The following SPECC1 variants were observed in gnomAD, a reference collection of about 807,000 sequenced individuals.
SPECC1 encodes the protein cytospin-B.
A neutral mutation model predicts 104.1 loss-of-function variants in SPECC1; 62 were observed. The observed-to-expected ratio is 0.60, with a 90% confidence interval of 0.49 to 0.74. The LOEUF (loss-of-function observed/expected upper bound fraction) is 0.74, where lower values mean the gene tolerates loss of function less well. Ranked by LOEUF, SPECC1 falls within the 30% of genes least tolerant of loss-of-function variation. SPECC1 has a pLI of 0.00. For synonymous variants in SPECC1, 513 were observed against 501.6 expected, an observed-to-expected ratio of 1.02 and a Z score of -0.30; for missense variants, 1,306 against 1,310.5, an observed-to-expected ratio of 1.00 and a Z score of 0.05.
At chr17:20,237,777 T>C (rs533397379) in intron 7 of SPECC1, 306 of 191,422 alleles carry the variant, frequency 1.6e-3, no homozygotes, top group Non-Finnish European at 2.9e-3. Flanking sequence ...AGCTTTACTC[T>C]TGTTGCCCAG....
intron 5 of SPECC1, among the ~76,000 whole-genome samples, chr17:20,228,773 A>C (rs145859357): frequency 6.6e-6 from 1 of 152,332 alleles, no homozygotes; most frequent in African/African-American, 2.4e-5. Context: ...ATTGGGAAAG[A>C]AATTTTTAAA....
At chr17:20,087,851 G>T (rs2047235672) in intron 1 of SPECC1, among the ~76,000 whole-genome samples, 1 of 152,142 alleles carries the variant, frequency 6.6e-6, no homozygotes, top group Non-Finnish European at 1.5e-5. Context: ...TAAACCAGGG[G>T]CTGTTTGGTG....
At chr17:20,051,663 C>CTGAT (rs1401516134) in intron 1 of SPECC1, among the ~76,000 whole-genome samples, 1 of 151,926 alleles carries the variant, frequency 6.6e-6, no homozygotes, top group Non-Finnish European at 1.5e-5. Flanking sequence ...GTTTTAGGTA[C>CTGAT]TGATATTCAG....
intron 12 of SPECC1, among the ~76,000 whole-genome samples, chr17:20,289,670 T>C (rs550493033): frequency 6.6e-6 from 1 of 152,348 alleles, no homozygotes; most frequent in Non-Finnish European, 1.5e-5. Context: ...TGGATGACAG[T>C]GCACACGGCT....
intron 3 of SPECC1, among the ~76,000 whole-genome samples, chr17:20,162,751 G>T (rs2033280966): frequency 6.6e-6 from 1 of 152,082 alleles, no homozygotes; most frequent in Non-Finnish European, 1.5e-5. Flanking sequence ...GATGTGGCTG[G>T]GTGCAGTGGC....
intron 3 of SPECC1, among the ~76,000 whole-genome samples, chr17:20,170,022 C>G (rs970127589): frequency 6.6e-6 from 1 of 152,246 alleles, no homozygotes; most frequent in African/African-American, 2.4e-5. Context: ...ATCCTGAAGA[C>G]TTTACCGTCA....
chr17:20,301,211 CTG>C (rs1279436246), intron 13 of SPECC1, among the ~76,000 whole-genome samples: 1 of 151,986 alleles, frequency 6.6e-6, no homozygotes, highest in African/African-American at 2.4e-5. Flanking sequence ...CCATATAAAA[CTG>C]AGCACACGGG....
chr17:20,116,053 CTATAA>C (rs1210428642), intron 3 of SPECC1, among the ~76,000 whole-genome samples: 13 of 151,846 alleles, frequency 8.6e-5, no homozygotes, highest in African/African-American at 1.9e-4. Context: ...TAGTTGTAGA[CTATAA>C]TATATCAATA....
At chr17:20,200,486 C>G (rs778490236) in intron 3 of SPECC1, among the ~76,000 whole-genome samples, 1 of 152,066 alleles carries the variant, frequency 6.6e-6, no homozygotes, top group Non-Finnish European at 1.5e-5. Context: ...TAAGTGATGA[C>G]GGGGTGGGAG....
At chr17:20,023,821 AC>A (rs1374849890) in intron 1 of SPECC1, among the ~76,000 whole-genome samples, 1 of 151,908 alleles carries the variant, frequency 6.6e-6, no homozygotes, top group African/African-American at 2.4e-5. Context: ...AAAAAAAAAA[AC>A]ATGGAAAGCA....
chr17:20,196,784 T>G (rs116623394), intron 3 of SPECC1, among the ~76,000 whole-genome samples: 1,884 of 152,334 alleles, frequency 0.012, 32 homozygotes, highest in African/African-American at 0.042. Context: ...GCAGGTAAAT[T>G]GAACAATTTT....
chr17:20,248,183 C>T (rs1005806160), intron 9 of SPECC1, among the ~76,000 whole-genome samples: 9 of 152,182 alleles, frequency 5.9e-5, no homozygotes, highest in Non-Finnish European at 1.0e-4. Flanking sequence ...CGAATGCCTT[C>T]CCAGCCATGT....
intron 4 of SPECC1, among the ~76,000 whole-genome samples, chr17:20,222,975 C>T (rs1215069977): frequency 1.3e-5 from 2 of 152,032 alleles, no homozygotes; most frequent in Admixed American, 6.6e-5. Flanking sequence ...AGGATCTTTT[C>T]ATTATCTTTG....
chr17:20,210,066 G>A (rs2037034334), intron 4 of SPECC1, among the ~76,000 whole-genome samples: 1 of 152,178 alleles, frequency 6.6e-6, no homozygotes, highest in African/African-American at 2.4e-5. Flanking sequence ...TTCTGCTTGT[G>A]TGGGTCCTAG....
rs1462561765 is a variant in SPECC1 at position 20,204,394 on chromosome 17, C to G, written c.345C>G (p.Val115=). The change falls in exon 4 of 15, where the codon GTC becomes GTG. Residue 115 remains valine, a synonymous_variant. Coordinates refer to ENST00000395527, the MANE Select transcript of SPECC1 (RefSeq NM_001243439.2). ...CCCCACGGGAATTTTCAGTAACTGT[C>G]TCAAGAGAGAGGTCTGTGCCACGTG... ...IPAPREFSVT[V]SRERSVPRGP... 1.1e-5 allele frequency: 17 copies of G among 1,613,984 alleles called. No homozygotes were observed. The highest frequency in any genetic ancestry group is 4.0e-5 in the African/African-American group (3 of 74,894).
chr17:20,236,672 T>G (rs2151499309), intron 7 of SPECC1, among the ~76,000 whole-genome samples: 2 of 151,790 alleles, frequency 1.3e-5, no homozygotes, highest in Non-Finnish European at 2.9e-5. Context: ...TTTTTTTTTT[T>G]TTATGTCTGA....
At chr17:20,303,730 A>G (rs1178804165) in intron 13 of SPECC1, among the ~76,000 whole-genome samples, 2 of 152,312 alleles carry the variant, frequency 1.3e-5, no homozygotes, top group East Asian at 3.9e-4. Context: ...TGACAGGCGG[A>G]TCACCTGAGG....
Position 20,300,183 on chromosome 17 carries a change from C to T in SPECC1, c.3057+3106C>T, listed in dbSNP as rs139159347. 2.2e-4 allele frequency among the ~76,000 whole-genome samples: 33 copies of T among 152,214 alleles called. No homozygotes were observed. In the East Asian group the frequency reaches 6.2e-3, roughly 28 times the overall value. On this transcript the variant is annotated intron_variant, in intron 13 of 14. Coordinates refer to ENST00000395527, the MANE Select transcript of SPECC1 (RefSeq NM_001243439.2). ...TTAGGGAAGCATACAGAGGGAGGAC[C>T]GAGGAACACACCTGGGAACCCCAGT...
intron 12 of SPECC1, among the ~76,000 whole-genome samples, chr17:20,296,096 A>T (rs1429745263): frequency 6.6e-6 from 1 of 152,190 alleles, no homozygotes; most frequent in Non-Finnish European, 1.5e-5. Context: ...GTCCTTGCCC[A>T]TGCCTATGTC....
Sources: gnomAD v4.1 joint callset for allele counts (sites outside exome capture counted in the v4.1 genomes callset) on GRCh38, gnomAD v4.1.1 for gene constraint, MANE v1.5 for transcripts, NCBI Gene and HGNC (gene_info 2026-07-23, HGNC 2026-07-21) for gene names.